NXPE2: variants seen among roughly 807,000 people sequenced by gnomAD.
NXPE2 encodes NXPE family member 2.
A neutral mutation model predicts 34.4 loss-of-function variants in NXPE2; 34 were observed. The observed-to-expected ratio is 0.99, with a 90% CI of 0.75 to 1.31. NXPE2 has a LOEUF of 1.31. Among genes scored for constraint, NXPE2 ranks in the 40% most tolerant of loss-of-function variants. NXPE2 has a pLI of 0.00. For missense variants in NXPE2, 649 were observed against 672.5 expected, an observed-to-expected ratio of 0.97 and a Z score of 0.39; for synonymous variants, 235 against 231.3, an observed-to-expected ratio of 1.02 and a Z score of -0.15.
chr11:114,553,851 T>G, the NXPE2 span: 10 of 954,934 alleles, frequency 1.0e-5, no homozygotes, highest in African/African-American at 1.8e-4. Flanking sequence ...TGACATCATC[T>G]TGGTAGCTTG....
chr11:114,593,556 A>G, the NXPE2 span, among the ~76,000 whole-genome samples: 8 of 152,158 alleles, frequency 5.3e-5, no homozygotes, highest in African/African-American at 1.9e-4. Flanking sequence ...AGAAAAGGGA[A>G]CACTTGTACA....
chr11:114,647,875 T>C, the NXPE2 span, among the ~76,000 whole-genome samples: 1 of 152,084 alleles, frequency 6.6e-6, no homozygotes, highest in African/African-American at 2.4e-5. Flanking sequence ...CTAAGTTTTG[T>C]AATTTTAGTA....
the NXPE2 span, among the ~76,000 whole-genome samples, chr11:114,601,876 A>ATATAATATATATTATATTTATATATAT: frequency 6.5e-4 from 3 of 4,644 alleles, no homozygotes; most frequent in African/African-American, 2.1e-3. Context: ...TATATATATT[A>ATATAATATATATTATATTTATATATAT]TATATAATTA....
chr11:114,674,834 A>T (rs989796180), upstream of NXPE2, among the ~76,000 whole-genome samples: 1 of 151,816 alleles, frequency 6.6e-6, no homozygotes. Flanking sequence ...TCAAAGCCAG[A>T]CAAGGACGCT....
At chr11:114,565,345 A>C in the NXPE2 span, among the ~76,000 whole-genome samples, 2 of 152,178 alleles carry the variant, frequency 1.3e-5, no homozygotes, top group Non-Finnish European at 2.9e-5. Context: ...TGGCTGTTAC[A>C]TTCCACTTAC....
At chr11:114,708,304 AGACCCCAAAACCTT>A (rs1951505149), downstream of NXPE2, among the ~76,000 whole-genome samples, 1 of 152,206 alleles carries the variant, frequency 6.6e-6, no homozygotes, top group African/African-American at 2.4e-5. Flanking sequence ...GTTAACGTAC[AGACCCCAAAACCTT>A]GATTCTTGGA....
At chr11:114,581,706 C>G in the NXPE2 span, 1 of 1,601,130 alleles carries the variant, frequency 6.2e-7, no homozygotes, top group Non-Finnish European at 8.6e-7. Flanking sequence ...CACCACCCAC[C>G]AAACACAGGA....
At chr11:114,682,220 G>A (rs1950961449) in intron 2 of NXPE2, among the ~76,000 whole-genome samples, 1 of 152,262 alleles carries the variant, frequency 6.6e-6, no homozygotes, top group Admixed American at 6.5e-5. Flanking sequence ...CCTTTATGAA[G>A]GAGTAGGTTA....
chr11:114,725,974 A>ATATATATATATATATATATATATAT, the NXPE2 span, among the ~76,000 whole-genome samples: 11 of 32,822 alleles, frequency 3.4e-4, no homozygotes, highest in East Asian at 1.4e-3. Context: ...TAATAAAAAA[A>ATATATATATATATATATATATATAT]AAATATATAT....
the NXPE2 span, among the ~76,000 whole-genome samples, chr11:114,568,490 C>T: frequency 3.4e-5 from 5 of 146,346 alleles, no homozygotes; most frequent in African/African-American, 1.2e-4. Flanking sequence ...TTTATTTCCC[C>T]CTCTCTTCTT....
chr11:114,696,889 C>G (rs1373313946), intron 2 of NXPE2, among the ~76,000 whole-genome samples: 2 of 152,104 alleles, frequency 1.3e-5, no homozygotes, highest in Non-Finnish European at 2.9e-5. Context: ...AAACGCTATA[C>G]AGTGTAAATG....
At chr11:114,591,769 T>C in the NXPE2 span, among the ~76,000 whole-genome samples, 1 of 151,998 alleles carries the variant, frequency 6.6e-6, no homozygotes, top group Non-Finnish European at 1.5e-5. Flanking sequence ...CCCTGTATGA[T>C]GTTTGCTAAA....
At chr11:114,546,604 T>C in the NXPE2 span, among the ~76,000 whole-genome samples, 1 of 151,860 alleles carries the variant, frequency 6.6e-6, no homozygotes, top group African/African-American at 2.4e-5. Flanking sequence ...GCCTGGCCAA[T>C]ATTTCTGAGC....
chr11:114,602,266 A>G, the NXPE2 span, among the ~76,000 whole-genome samples: 1 of 118,450 alleles, frequency 8.4e-6, no homozygotes, highest in African/African-American at 3.4e-5. Context: ...TATATATAAT[A>G]TATATTATAC....
At chr11:114,583,526 C>T in the NXPE2 span, 1 of 611,148 alleles carries the variant, frequency 1.6e-6, no homozygotes, top group South Asian at 1.4e-5. Context: ...CAAGCGGATG[C>T]AGAGATTCAA....
At chr11:114,583,397 T>C in the NXPE2 span, 1 of 629,780 alleles carries the variant, frequency 1.6e-6, no homozygotes, top group South Asian at 1.5e-5. Flanking sequence ...TGGTTTCTAC[T>C]GAAAAATGGA....
the NXPE2 span, among the ~76,000 whole-genome samples, chr11:114,777,144 A>G: frequency 6.6e-6 from 1 of 152,236 alleles, no homozygotes; most frequent in African/African-American, 2.4e-5. Context: ...CAGAAAACAC[A>G]CCTTCAAAAA....
the NXPE2 span, among the ~76,000 whole-genome samples, chr11:114,738,077 ACT>A: frequency 6.6e-6 from 1 of 152,024 alleles, no homozygotes; most frequent in African/African-American, 2.4e-5. Flanking sequence ...ACAGAGTGAG[ACT>A]CTGTCTCAAA....
chr11:114,577,058 C>G, the NXPE2 span, among the ~76,000 whole-genome samples: 1 of 29,928 alleles, frequency 3.3e-5, no homozygotes, highest in African/African-American at 1.0e-4. Flanking sequence ...TATATATATA[C>G]ATATATATAT....
Sources: gnomAD v4.1 joint callset for allele counts (sites outside exome capture counted in the v4.1 genomes callset) on GRCh38, gnomAD v4.1.1 for gene constraint, MANE v1.5 for transcripts, NCBI Gene and HGNC (gene_info 2026-07-23, HGNC 2026-07-21) for gene names.